Variants in EXOC6B observed in about 807,000 individuals in gnomAD.
EXOC6B encodes the protein SEC15 homolog B.
Under a neutral mutation model 113.5 loss-of-function variants are expected in EXOC6B, and 54 were observed. That is an observed-to-expected ratio of 0.48 (90% confidence interval 0.38 to 0.60). The LOEUF (loss-of-function observed/expected upper bound fraction) is 0.60, where lower values mean the gene tolerates loss of function less well. Ranked by LOEUF, EXOC6B falls within the 20% of genes least tolerant of loss-of-function variation. The probability of loss-of-function intolerance (pLI) is 0.00; values close to 1 mark genes in which losing one functional copy is unlikely to be tolerated. For synonymous variants in EXOC6B, 357 were observed against 339.0 expected (o/e 1.05, Z -0.58); for missense variants, 797 against 977.5 (o/e 0.82, Z 2.46).
intron 1 of EXOC6B, among the ~76,000 whole-genome samples, chr2:72,776,515 G>A (rs1453412051): frequency 6.6e-6 from 1 of 152,108 alleles, no homozygotes; most frequent in Non-Finnish European, 1.5e-5. Context: ...TACTCATGAG[G>A]CTGAGATGGG....
chr2:72,446,023 G>A (rs1057427511), intron 18 of EXOC6B, among the ~76,000 whole-genome samples: 7 of 152,182 alleles, frequency 4.6e-5, no homozygotes, highest in Admixed American at 2.0e-4. Flanking sequence ...AGAGGAAAGG[G>A]AACGCTTATA....
intron 19 of EXOC6B, among the ~76,000 whole-genome samples, chr2:72,356,185 T>C (rs1218816624): frequency 6.6e-6 from 1 of 152,224 alleles, no homozygotes; most frequent in African/African-American, 2.4e-5. Flanking sequence ...TCTACTAGTA[T>C]GTTCAGGTTC....
chr2:72,186,411 G>C (rs1217045828), intron 20 of EXOC6B, among the ~76,000 whole-genome samples: 2 of 152,116 alleles, frequency 1.3e-5, no homozygotes, highest in Non-Finnish European at 1.5e-5. Context: ...CAGGTACTGA[G>C]AGTACCCCTT....
At chr2:72,325,925 G>A (rs1688102068) in intron 20 of EXOC6B, among the ~76,000 whole-genome samples, 2 of 151,968 alleles carry the variant, frequency 1.3e-5, no homozygotes, top group African/African-American at 4.8e-5. Context: ...TTGTAACTGT[G>A]GCTCCCAGGT....
chr2:72,722,434 CT>C (rs1680069461), intron 5 of EXOC6B, among the ~76,000 whole-genome samples: 1 of 152,118 alleles, frequency 6.6e-6, no homozygotes, highest in African/African-American at 2.4e-5. Context: ...ATGCTAAAGA[CT>C]AGAGACTGGT....
At chr2:72,528,796 T>C (rs1011343535) in intron 8 of EXOC6B, among the ~76,000 whole-genome samples, 2 of 152,094 alleles carry the variant, frequency 1.3e-5, no homozygotes, top group Non-Finnish European at 2.9e-5. Flanking sequence ...TAAACAATCA[T>C]AAATAATATT....
chr2:72,223,487 G>C (rs956365905), intron 20 of EXOC6B, among the ~76,000 whole-genome samples: 77 of 152,258 alleles, frequency 5.1e-4, no homozygotes, highest in African/African-American at 1.6e-3. Flanking sequence ...ATCCTGTTAA[G>C]ATTTTTTCCC....
chr2:72,680,738 CAA>C lies in EXOC6B; in HGVS notation c.669+37363_669+37364del, dbSNP rs369345119. Among the ~76,000 whole-genome samples the C allele has an allele frequency of 1.7e-4, 23 of 131,932 alleles. 2 individuals are homozygous for C. Among genetic ancestry groups the C allele is most frequent in the African/African-American group, 5.3e-4 (19 of 35,678 alleles). 86.6% of individuals were successfully genotyped at this position (131,932 alleles called of 152,430 possible). ...TGGGTGACAGAGCAAGACTCCATCT[CAA>C]AAAAAAAAAGAAAAAAAAGGAGCAC... On this transcript the variant is annotated intron_variant, in intron 6 of 21. Transcript: ENST00000272427.
At chr2:72,444,965 T>C (rs1484249861) in intron 18 of EXOC6B, among the ~76,000 whole-genome samples, 1 of 152,200 alleles carries the variant, frequency 6.6e-6, no homozygotes, top group African/African-American at 2.4e-5. Flanking sequence ...TTGAATTTCT[T>C]CTCAGAAAAT....
At chr2:72,731,513 A>T (rs1406982409) in intron 3 of EXOC6B, among the ~76,000 whole-genome samples, 1 of 152,250 alleles carries the variant, frequency 6.6e-6, no homozygotes, top group Non-Finnish European at 1.5e-5. Context: ...GAAAAAAACT[A>T]TCTTCAACTA....
chr2:72,490,723 T>C (rs979525302), intron 16 of EXOC6B, among the ~76,000 whole-genome samples: 2 of 152,274 alleles, frequency 1.3e-5, no homozygotes, highest in Middle Eastern at 6.8e-3. Context: ...ATTACACGGT[T>C]CTTCCTTGAT....
chr2:72,504,061 C>A (rs60580301), intron 11 of EXOC6B, among the ~76,000 whole-genome samples: 32,064 of 151,900 alleles, frequency 0.21, 5,366 homozygotes, highest in African/African-American at 0.46. Context: ...GCACATGCAA[C>A]CATGTCTGGT....
intron 19 of EXOC6B, among the ~76,000 whole-genome samples, chr2:72,358,557 T>C (rs564017661): frequency 6.6e-6 from 1 of 152,298 alleles, no homozygotes; most frequent in Admixed American, 6.5e-5. Context: ...CAAATATAAC[T>C]TCATTTTACA....
At chr2:72,193,974 A>AT (rs2104295020) in intron 20 of EXOC6B, among the ~76,000 whole-genome samples, 1 of 152,330 alleles carries the variant, frequency 6.6e-6, no homozygotes, top group South Asian at 2.1e-4. Context: ...TTATGCTATA[A>AT]TAGCTGAGGT....
chr2:72,664,241 G>C (rs1675227523), intron 6 of EXOC6B, among the ~76,000 whole-genome samples: 1 of 151,996 alleles, frequency 6.6e-6, no homozygotes, highest in Non-Finnish European at 1.5e-5. Flanking sequence ...CCAAAATATT[G>C]AGTAAACCAG....
intron 6 of EXOC6B, among the ~76,000 whole-genome samples, chr2:72,604,522 T>C (rs1394974834): frequency 1.3e-5 from 2 of 152,228 alleles, no homozygotes; most frequent in Non-Finnish European, 2.9e-5. Flanking sequence ...CTTTCATTAT[T>C]TCCACTTTAT....
chr2:72,237,045 GA>G (rs982730856), intron 20 of EXOC6B, among the ~76,000 whole-genome samples: 35 of 150,940 alleles, frequency 2.3e-4, no homozygotes, highest in East Asian at 5.8e-4. Flanking sequence ...AAGACTTGGG[GA>G]AAAAAAAAGG....
At chr2:72,625,567 G>A (rs1033859811) in intron 6 of EXOC6B, among the ~76,000 whole-genome samples, 3 of 152,108 alleles carry the variant, frequency 2.0e-5, no homozygotes, top group Non-Finnish European at 4.4e-5. Context: ...AGCAGATAAT[G>A]AGAAACTCAC....
chr2:72,188,455 G>A (rs1678591533), intron 20 of EXOC6B, among the ~76,000 whole-genome samples: 1 of 152,132 alleles, frequency 6.6e-6, no homozygotes, highest in Non-Finnish European at 1.5e-5. Flanking sequence ...TTTTAGGGTG[G>A]CCTGAAGCTA....
Sources: allele counts gnomAD v4.1 joint callset (sites outside exome capture counted in the v4.1 genomes callset), GRCh38; gene constraint gnomAD v4.1.1; transcripts MANE v1.5; gene names NCBI Gene and HGNC (gene_info 2026-07-23, HGNC 2026-07-21).